The following ABRAXAS2 variants were observed in gnomAD, a reference collection of about 807,000 sequenced individuals.
ABRAXAS2 encodes BRISC complex subunit Abraxas 2.
A neutral mutation model predicts 49.0 loss-of-function variants in ABRAXAS2; 23 were observed. The ratio of observed to expected loss-of-function variants is 0.47; its 90% CI spans 0.34 to 0.66. ABRAXAS2 has a LOEUF of 0.66. Among genes scored for constraint, ABRAXAS2 ranks in the 30% least tolerant of loss-of-function variants. The pLI is 0.01. For missense variants in ABRAXAS2, 443 were observed against 511.9 expected, an observed-to-expected ratio of 0.87 and a Z score of 1.30; for synonymous variants, 168 against 180.2, an observed-to-expected ratio of 0.93 and a Z score of 0.54.
chr10:124,805,575 C>T (rs1003148687), intron 1 of ABRAXAS2, among the ~76,000 whole-genome samples: 1 of 152,160 alleles, frequency 6.6e-6, no homozygotes, highest in Non-Finnish European at 1.5e-5. Context: ...AATAAGCACA[C>T]AGTCCCTGCT....
At chr10:124,807,044 G>A (rs532785108) in intron 2 of ABRAXAS2, 123 bp downstream of exon 2, 1 of 698,210 alleles carries the variant, frequency 1.4e-6, no homozygotes, top group African/African-American at 1.8e-5. Context: ...CAGGCGCGGT[G>A]GCTCACGCCT....
At chr10:124,811,557 G>A (rs1038711439) in intron 2 of ABRAXAS2, among the ~76,000 whole-genome samples, 1 of 151,900 alleles carries the variant, frequency 6.6e-6, no homozygotes, top group African/African-American at 2.4e-5. Flanking sequence ...CTAACACGGT[G>A]AAACTCCGTC....
rs967803652 is a variant in ABRAXAS2, at chr10:124,831,094, T to C, written c.664-255T>C. ...AAAAATGATTAATCAAAGGAAAGAG[T>C]AGATCTTTCCTATCTTACCCTTACT... On this transcript the variant is annotated intron_variant, in intron 7 of 8. Coordinates refer to ENST00000298492, the MANE Select transcript of ABRAXAS2 (RefSeq NM_032182.4). 5.3e-5 allele frequency among the ~76,000 whole-genome samples: 8 copies of C among 152,146 alleles called. No individual in the cohort carries two copies. The East Asian group carries it at 1.3e-3, about 26-fold the overall frequency.
chr10:124,811,321 A>G (rs1306895417), intron 2 of ABRAXAS2, among the ~76,000 whole-genome samples: 1 of 152,224 alleles, frequency 6.6e-6, no homozygotes, highest in Non-Finnish European at 1.5e-5. Context: ...CTGGAAGATG[A>G]AGGTTAAATT....
intron 2 of ABRAXAS2, among the ~76,000 whole-genome samples, chr10:124,809,512 G>A (rs1014898360): frequency 6.6e-6 from 1 of 150,724 alleles, no homozygotes; most frequent in Non-Finnish European, 1.5e-5. Flanking sequence ...TCTCGAACTC[G>A]TGGCCTCAGG....
intron 1 of ABRAXAS2, among the ~76,000 whole-genome samples, chr10:124,806,454 G>A (rs960132076): frequency 6.6e-6 from 1 of 152,110 alleles, no homozygotes; most frequent in Non-Finnish European, 1.5e-5. Flanking sequence ...CATCATCAGC[G>A]ATGTTTTTAC....
intron 2 of ABRAXAS2, among the ~76,000 whole-genome samples, chr10:124,814,768 T>A (rs2134162783): frequency 6.6e-6 from 1 of 152,120 alleles, no homozygotes; most frequent in African/African-American, 2.4e-5. Context: ...TGCCTCAGCC[T>A]CCCGAGTAGC....
intron 4 of ABRAXAS2, among the ~76,000 whole-genome samples, chr10:124,824,958 A>T (rs1295223584): frequency 6.6e-6 from 1 of 152,210 alleles, no homozygotes; most frequent in Non-Finnish European, 1.5e-5. Flanking sequence ...ACAGGCAGGC[A>T]TCTTGATTCC....
chr10:124,823,594 CG>C (rs1950876486), intron 4 of ABRAXAS2, among the ~76,000 whole-genome samples: 1 of 152,158 alleles, frequency 6.6e-6, no homozygotes, highest in Admixed American at 6.5e-5. Flanking sequence ...AGACAATAAA[CG>C]TGCCCATATT....
chr10:124,815,235 C>T (rs1564920679), intron 2 of ABRAXAS2, among the ~76,000 whole-genome samples: 2 of 151,882 alleles, frequency 1.3e-5, no homozygotes, highest in Non-Finnish European at 2.9e-5. Context: ...CGCACTGTCA[C>T]CCAGGCTGGA....
chr10:124,807,069 T>C lies in ABRAXAS2; in HGVS notation c.163+148T>C, dbSNP rs530018091. ...GGCTCACGCCTGTAATCCCAGCACT[T>C]TGGGAGGCCGAGGCGGGCGGATCAC... On this transcript the variant is annotated intron_variant, in intron 2 of 8. Coordinates refer to ENST00000298492, the MANE Select transcript of ABRAXAS2 (RefSeq NM_032182.4). 3.3e-4 allele frequency: 176 copies of C among 540,608 alleles called. 2 individuals carry two copies. The South Asian group carries it at 4.0e-3, about 12-fold the overall frequency. 33.5% of individuals were successfully genotyped at this position (540,608 alleles called of 1,614,324 possible).
At chr10:124,805,398 C>T (rs1248110122) in intron 1 of ABRAXAS2, among the ~76,000 whole-genome samples, 1 of 150,454 alleles carries the variant, frequency 6.6e-6, no homozygotes, top group Non-Finnish European at 1.5e-5. Context: ...TCACTTTAAA[C>T]TGGAAATGTT....
At chr10:124,822,610 T>C (rs945160188) in intron 4 of ABRAXAS2, among the ~76,000 whole-genome samples, 8 of 152,098 alleles carry the variant, frequency 5.3e-5, no homozygotes, top group African/African-American at 1.9e-4. Flanking sequence ...CTGGCTGACA[T>C]GGCAAAACCC....
chr10:124,807,584 C>T (rs548480413), intron 2 of ABRAXAS2, among the ~76,000 whole-genome samples: 3 of 151,940 alleles, frequency 2.0e-5, no homozygotes, highest in East Asian at 1.9e-4. Flanking sequence ...ACCCGGGAGG[C>T]GGAGGTTGCA....
chr10:124,828,650 A>T, intron 5 of ABRAXAS2, 106 bp from the exon 6 acceptor site: 1 of 1,048,598 alleles, frequency 9.5e-7, no homozygotes, highest in Non-Finnish European at 1.4e-6. Flanking sequence ...CTGAGATTAG[A>T]GGTGTGAGCC....
At chr10:124,827,143 A>G (rs1331320580) in intron 5 of ABRAXAS2, among the ~76,000 whole-genome samples, 2 of 147,420 alleles carry the variant, frequency 1.4e-5, no homozygotes, top group Non-Finnish European at 1.5e-5. Context: ...CGTGACTTCA[A>G]AAATGTGCAT....
rs566650616 is a variant in ABRAXAS2 at position 124,813,000 on chromosome 10, G to A, written c.164-3576G>A. Among the ~76,000 whole-genome samples, 53 of 152,208 alleles carry A rather than the reference G, an allele frequency of 3.5e-4. No individual in the cohort carries two copies. The East Asian group carries it at 9.5e-3, about 27-fold the overall frequency. On this transcript the variant is annotated intron_variant, in intron 2 of 8. Coordinates refer to ENST00000298492, the MANE Select transcript of ABRAXAS2 (RefSeq NM_032182.4). ...GCAGATCACCTGAGGTCAGGAGTTC[G>A]AGACCAGCCTGGCCAACATGGTGAA...
At chr10:124,811,565 G>A (rs933210945) in intron 2 of ABRAXAS2, among the ~76,000 whole-genome samples, 11 of 151,816 alleles carry the variant, frequency 7.2e-5, no homozygotes, top group African/African-American at 2.2e-4. Context: ...GTGAAACTCC[G>A]TCTCTACTAA....
Position 124,834,710 on chromosome 10 carries a change from C to A in ABRAXAS2, c.987C>A (p.Val329=). 1.2e-6 allele frequency: 2 copies of A among 1,614,166 alleles called. No individual in the cohort carries two copies. The highest frequency in any genetic ancestry group is 1.7e-6 in the Non-Finnish European group (2 of 1,180,040). Residue 329 remains valine (V), a synonymous_variant, in exon 9 of 9, where the codon GTC becomes GTA. Coordinates refer to ENST00000298492, the MANE Select transcript of ABRAXAS2 (RefSeq NM_032182.4). ...GCCACTCTCGCATGGAAAGGAGTGT[C>A]TTTATGCCTCGACCTCAAGCTGTGG... ...TLSHSRMERS[V]FMPRPQAVGS...
Sources: allele counts gnomAD v4.1 joint callset (sites outside exome capture counted in the v4.1 genomes callset), GRCh38; gene constraint gnomAD v4.1.1; transcripts MANE v1.5; gene names NCBI Gene and HGNC (gene_info 2026-07-23, HGNC 2026-07-21).